Variants in LTC4S observed in about 807,000 individuals in gnomAD.
LTC4S encodes the protein leukotriene C4 synthase.
LTC4S carries 18 observed loss-of-function variants against 19.6 expected under a neutral mutation model. That is an observed-to-expected ratio of 0.92 (90% CI 0.64 to 1.36). The LOEUF (loss-of-function observed/expected upper bound fraction) is 1.36, where lower values mean the gene tolerates loss of function less well. LTC4S is among the 40% of genes most tolerant of loss of function. The pLI is 0.00. For synonymous variants in LTC4S, 126 were observed against 110.1 expected (o/e 1.14, Z -0.91); for missense variants, 235 against 212.2 (o/e 1.11, Z -0.67).
At chr5:179,796,173 G>T in intron 4 of LTC4S, 80 bp from the exon 5 acceptor site, 1 of 1,292,336 alleles carries the variant, frequency 7.7e-7, no homozygotes. Flanking sequence ...GCGGCCAGAG[G>T]AAGTCCCCGT....
rs1756609611 is a variant in LTC4S at position 179,796,040 on chromosome 5, A to AG, written c.311+19dup. On this transcript the variant is annotated intron_variant, in intron 4 of 4. Transcript: ENST00000292596. ...CAGCTCAGGTGAGGGCCGGGCGGGGAGCGGGGCGGGGCCGGGGAAAGATCG... is the reference window on the plus strand; with the variant it reads ...CAGCTCAGGTGAGGGCCGGGCGGGGAGGCGGGGCGGGGCCGGGGAAAGATCG... 1 of 1,357,500 alleles carries AG rather than the reference A, an allele frequency of 7.4e-7. No individual in the cohort carries two copies. 84.1% of individuals were successfully genotyped at this position (1,357,500 alleles called of 1,614,324 possible). A position where few individuals can be genotyped will look rare whatever the true frequency, so the allele number is the denominator to read the frequency against.
At chr5:179,795,445 G>C in intron 1 of LTC4S, 139 bp from the exon 2 acceptor site, 1 of 1,487,552 alleles carries the variant, frequency 6.7e-7, no homozygotes. Context: ...AGGTCTCCTC[G>C]GGCGGGGAGG....
chr5:179,796,565 CCT>C lies in LTC4S; in HGVS notation c.*172_*173del. On this transcript the variant is annotated 3_prime_UTR_variant, in exon 5 of 5. Transcript: ENST00000292596. Reference sequence around the variant, plus strand: ...GGGTGGCGCACCGCGGGCTACGGAGCCTGGAGGGGCCCAGCCCGAGTCCGGGC... The same window carrying C: ...GGGTGGCGCACCGCGGGCTACGGAGCGGAGGGGCCCAGCCCGAGTCCGGGC... 2 of 1,063,546 alleles carry C rather than the reference CCT, an allele frequency of 1.9e-6. No homozygotes were observed. The highest frequency in any genetic ancestry group is 2.5e-6 in the Non-Finnish European group (2 of 810,724). 65.9% of individuals were successfully genotyped at this position (1,063,546 alleles called of 1,614,324 possible). A position where few individuals can be genotyped will look rare whatever the true frequency, so the allele number is the denominator to read the frequency against.
At position 179,795,657 on chromosome 5, in the gene LTC4S, C is replaced by G; in HGVS notation, c.132C>G (p.Pro44=). 3 of 1,608,060 alleles carry G rather than the reference C, an allele frequency of 1.9e-6. No homozygotes were observed. The highest frequency in any genetic ancestry group is 2.5e-6 in the Non-Finnish European group (3 of 1,178,620). Reference sequence around the variant, plus strand: ...CGCCGCCGCTCACCACCGGCCCACCCGAGTTCGAGCGCGTCTACCGAGCCC... The same window carrying G: ...CGCCGCCGCTCACCACCGGCCCACCGGAGTTCGAGCGCGTCTACCGAGCCC... ...RVSPPLTTGP[P]EFERVYRAQV... is the part of the protein sequence containing the mutation. The change falls in exon 2 of 5, where the codon CCC becomes CCG. Residue 44 remains proline, a synonymous_variant. Coordinates refer to ENST00000292596, the MANE Select transcript of LTC4S (RefSeq NM_145867.2).
intron 1 of LTC4S, among the ~76,000 whole-genome samples, chr5:179,794,888 G>A (rs911105785): frequency 6.6e-6 from 1 of 152,214 alleles, no homozygotes. Flanking sequence ...AAACTTTAGG[G>A]CCAGCCCACC....
In LTC4S at chr5:179,796,487, T is replaced by C. The variant is rs572929001; in HGVS notation, c.*93T>C. 1.2e-5 allele frequency: 17 copies of C among 1,363,126 alleles called. No individual in the cohort carries two copies. The East Asian group carries it at 4.7e-4, about 38-fold the overall frequency. 84.4% of individuals were successfully genotyped at this position (1,363,126 alleles called of 1,614,324 possible). On this transcript the variant is annotated 3_prime_UTR_variant, in exon 5 of 5. Transcript: ENST00000292596. The stretch of plus-strand genomic sequence containing the variant: ...GCGCTCGCTTCCGCATCCTAGTCTC[T>C]ATCATTAAAGTTCTAGTGACCGAGA...
chr5:179,795,779 A>G lies in LTC4S; in HGVS notation c.159-7A>G. 1 of 1,118,242 alleles carries G rather than the reference A, an allele frequency of 8.9e-7. No homozygotes were observed. The highest frequency in any genetic ancestry group is 1.3e-6 in the Non-Finnish European group (1 of 752,750). 69.3% of individuals were successfully genotyped at this position (1,118,242 alleles called of 1,614,324 possible). A position where few individuals can be genotyped will look rare whatever the true frequency, so the allele number is the denominator to read the frequency against. On this transcript the variant is annotated splice_polypyrimidine_tract_variant and splice_region_variant and intron_variant, in intron 2 of 4. Transcript: ENST00000292596. ...GCCGGCGCGCTCATCCCACCCGCCC[A>G]CCGCAGGGTGAACTGCAGCGAGTAC...
Position 179,795,766 on chromosome 5 carries a change from A to T in LTC4S, c.159-20A>T. The T allele has an allele frequency of 6.3e-7, 1 of 1,584,228 alleles. No homozygotes were observed. Among genetic ancestry groups the T allele is most frequent in the East Asian group, 2.3e-5 (1 of 43,914 alleles). ...CAGGACCATCCCGGCCGGCGCGCTC[A>T]TCCCACCCGCCCACCGCAGGGTGAA... is the stretch of plus-strand genomic sequence containing the variant. On this transcript the variant is annotated intron_variant, in intron 2 of 4. Coordinates refer to ENST00000292596, the MANE Select transcript of LTC4S (RefSeq NM_145867.2).
chr5:179,795,332 C>A, intron 1 of LTC4S: 1 of 1,377,314 alleles, frequency 7.3e-7, no homozygotes, highest in Non-Finnish European at 9.4e-7. Flanking sequence ...CTCCCCCATA[C>A]ACTCACAGGT....
chr5:179,796,426 A>G lies in LTC4S; in HGVS notation c.*32A>G, dbSNP rs1284621544. On this transcript the variant is annotated 3_prime_UTR_variant, in exon 5 of 5. Transcript: ENST00000292596. The stretch of plus-strand genomic sequence containing the variant: ...GGCCCCCGGGCCGACGGAGCCGGGA[A>G]AGAAGAGCCGGAGCCTCCAGCTGCC... The G allele has an allele frequency of 1.4e-6, 2 of 1,471,422 alleles. No homozygotes were observed. Among genetic ancestry groups the G allele is most frequent in the Non-Finnish European group, 1.8e-6 (2 of 1,116,026 alleles). The allele number at this position is 1,471,422 out of a possible 1,614,324, so 91.1% of individuals were successfully genotyped here. A position where few individuals can be genotyped will look rare whatever the true frequency, so the allele number is the denominator to read the frequency against.
In LTC4S at chr5:179,796,238, G is replaced by A. The variant is rs1207016430; in HGVS notation, c.312-15G>A. ...GGCCTCCTCGCGCCACCTCCCCGCT[G>A]ACCGCCGCCCGCAGGCTGGCACCGC... On this transcript the variant is annotated splice_polypyrimidine_tract_variant and intron_variant, in intron 4 of 4. Coordinates refer to ENST00000292596, the MANE Select transcript of LTC4S (RefSeq NM_145867.2). 1 of 1,447,956 alleles carries A rather than the reference G, an allele frequency of 6.9e-7. No homozygotes were observed. Among genetic ancestry groups the A allele is most frequent in the Non-Finnish European group, 9.1e-7 (1 of 1,103,316 alleles). The allele number at this position is 1,447,956 out of a possible 1,614,324, so 89.7% of individuals were successfully genotyped here. A position where few individuals can be genotyped will look rare whatever the true frequency, so the allele number is the denominator to read the frequency against.
At position 179,796,318 on chromosome 5, in the gene LTC4S, T is replaced by G; in HGVS notation, c.377T>G (p.Leu126Arg). 1.3e-6 allele frequency: 2 copies of G among 1,484,770 alleles called. No homozygotes were observed. Among genetic ancestry groups the G allele is most frequent in the Non-Finnish European group, 1.8e-6 (2 of 1,125,124 alleles). 92.0% of individuals were successfully genotyped at this position (1,484,770 alleles called of 1,614,324 possible). The change falls in exon 5 of 5, where the codon CTG (leucine) becomes CGG (arginine). Residue 126 changes from leucine to arginine, a missense_variant. Transcript: ENST00000292596. ...CTGGTGGCGCTGGCTGCGCTCGGCC[T>G]GCTCGCCCACTTCCTCCCGGCCGCG... ...WLLVALAALG[L>R]LAHFLPAALR...
In LTC4S at chr5:179,795,865, G is replaced by A. The variant is rs912860141; in HGVS notation, c.229+9G>A. On this transcript the variant is annotated intron_variant, in intron 3 of 4. Coordinates refer to ENST00000292596, the MANE Select transcript of LTC4S (RefSeq NM_145867.2). ...CATCTTCTTTCATGAAGGTCGGGGT[G>A]TGGGGCAGGGGCGCACGCGCTGGAC... is the stretch of plus-strand genomic sequence containing the variant. 3.7e-6 allele frequency: 6 copies of A among 1,604,708 alleles called. No homozygotes were observed. In the Admixed American group the frequency reaches 8.4e-5, roughly 22 times the overall value.
intron 1 of LTC4S, among the ~76,000 whole-genome samples, chr5:179,794,651 G>T (rs184250216): frequency 1.3e-5 from 2 of 152,236 alleles, no homozygotes; most frequent in Non-Finnish European, 2.9e-5. Flanking sequence ...CTCTGAAGGG[G>T]CTGAACAGAC....
Position 179,794,002 on chromosome 5 carries a change from G to T in LTC4S, c.-79G>T. On this transcript the variant is annotated 5_prime_UTR_variant, in exon 1 of 5. Coordinates refer to ENST00000292596, the MANE Select transcript of LTC4S (RefSeq NM_145867.2). ...GAGGCTGCTCTTCCTCTCCTGGGCC[G>T]TCCTCTGAGCAGCAGACGGGGCTAA... is the stretch of plus-strand genomic sequence containing the variant. 1 of 1,607,880 alleles carries T rather than the reference G, an allele frequency of 6.2e-7. No homozygotes were observed. Among genetic ancestry groups the T allele is most frequent in the South Asian group, 1.1e-5 (1 of 90,506 alleles).
At chr5:179,795,884 G>C in intron 3 of LTC4S, 28 bp downstream of exon 3, 2 of 1,599,624 alleles carry the variant, frequency 1.3e-6, no homozygotes, top group Non-Finnish European at 8.5e-7. Flanking sequence ...GGGCGCACGC[G>C]CTGGACCCCC....
At chr5:179,794,503 C>T (rs1320350536) in intron 1 of LTC4S, among the ~76,000 whole-genome samples, 1 of 152,206 alleles carries the variant, frequency 6.6e-6, no homozygotes, top group African/African-American at 2.4e-5. Flanking sequence ...TCCTCCAGCC[C>T]CCTAAAAAGA....
Position 179,796,557 on chromosome 5 carries a change from C to A in LTC4S, c.*163C>A. The A allele has an allele frequency of 2.6e-6, 3 of 1,155,952 alleles. No individual in the cohort carries two copies. The highest frequency in any genetic ancestry group is 3.3e-5 in the East Asian group (1 of 30,302). The allele number at this position is 1,155,952 out of a possible 1,614,324, so 71.6% of individuals were successfully genotyped here. On this transcript the variant is annotated 3_prime_UTR_variant, in exon 5 of 5. Transcript: ENST00000292596. The stretch of plus-strand genomic sequence containing the variant: ...GTCCGCGGGGGTGGCGCACCGCGGG[C>A]TACGGAGCCTGGAGGGGCCCAGCCC...
At chr5:179,796,101 C>T (rs1342979615) in intron 4 of LTC4S, 79 bp downstream of exon 4, 30 of 1,343,376 alleles carry the variant, frequency 2.2e-5, no homozygotes, top group Non-Finnish European at 2.9e-5. Context: ...GGGACCGAAG[C>T]TGGGGGCGGG....
Sources: allele counts gnomAD v4.1 joint callset (sites outside exome capture counted in the v4.1 genomes callset), GRCh38; gene constraint gnomAD v4.1.1; transcripts MANE v1.5; gene names NCBI Gene and HGNC (gene_info 2026-07-23, HGNC 2026-07-21).